The following TMEM135 variants were observed in gnomAD, a reference collection of about 807,000 sequenced individuals.
TMEM135 encodes the protein peroxisomal membrane protein 52.
In TMEM135, 30 loss-of-function variants were observed where a neutral mutation model predicts 60.3. That is an observed-to-expected ratio of 0.50 (90% CI 0.37 to 0.68). TMEM135 has a LOEUF of 0.68. Ranked by LOEUF, TMEM135 falls within the 30% of genes least tolerant of loss-of-function variation. The pLI is 0.00. For missense variants in TMEM135, 468 were observed against 548.8 expected, an observed-to-expected ratio of 0.85 and a Z score of 1.47; for synonymous variants, 190 against 186.7, an observed-to-expected ratio of 1.02 and a Z score of -0.14.
chr11:87,259,654 C>T (rs1565145349), intron 6 of TMEM135, among the ~76,000 whole-genome samples: 1 of 152,172 alleles, frequency 6.6e-6, no homozygotes, highest in Non-Finnish European at 1.5e-5. Context: ...CATCGATATA[C>T]AAGTTCATCT....
At chr11:87,056,546 A>G (rs1220660448) in intron 1 of TMEM135, among the ~76,000 whole-genome samples, 1 of 152,262 alleles carries the variant, frequency 6.6e-6, no homozygotes, top group African/African-American at 2.4e-5. Context: ...TTTTATGTCC[A>G]TCAAATGGTT....
chr11:87,190,531 G>C (rs1939774840), intron 5 of TMEM135, among the ~76,000 whole-genome samples: 1 of 151,986 alleles, frequency 6.6e-6, no homozygotes, highest in Admixed American at 6.5e-5. Context: ...ACTCTCTGTA[G>C]GTATTTGTTG....
intron 4 of TMEM135, among the ~76,000 whole-genome samples, chr11:87,148,712 G>A (rs1308087887): frequency 6.6e-6 from 1 of 152,118 alleles, no homozygotes; most frequent in Non-Finnish European, 1.5e-5. Context: ...GATTGAAGAT[G>A]TAGTTTAATA....
intron 5 of TMEM135, among the ~76,000 whole-genome samples, chr11:87,163,143 C>T (rs1445981636): frequency 1.3e-5 from 2 of 148,598 alleles, no homozygotes; most frequent in Non-Finnish European, 3.0e-5. Context: ...CCCACTAACT[C>T]CTCATCTAGC....
chr11:87,245,918 C>T (rs1317406369), intron 6 of TMEM135, among the ~76,000 whole-genome samples: 1 of 81,524 alleles, frequency 1.2e-5, no homozygotes, highest in Admixed American at 1.1e-4. Context: ...TTATTTTGCT[C>T]GTTAGTTGTT....
At position 87,070,494 on chromosome 11, in the gene TMEM135, C is replaced by T. The variant is rs1039996799; in HGVS notation, c.270-1029C>T. Among the ~76,000 whole-genome samples, 67 of 152,006 alleles carry T rather than the reference C, an allele frequency of 4.4e-4. 1 individual carries two copies. Among genetic ancestry groups the T allele is most frequent in the African/African-American group, 1.3e-3 (55 of 41,460 alleles). ...CTAAAAATACAAAAAATTAGCCGGG[C>T]GTGGTGGCAAGCGCCTGTAATCCCA... On this transcript the variant is annotated intron_variant, in intron 2 of 14. Coordinates refer to ENST00000305494, the MANE Select transcript of TMEM135 (RefSeq NM_022918.4).
At chr11:87,040,097 C>T (rs2512378) in intron 1 of TMEM135, among the ~76,000 whole-genome samples, 88,543 of 152,026 alleles carry the variant, frequency 0.58, 27,649 homozygotes, top group East Asian at 0.81. Flanking sequence ...TGCTACTCCT[C>T]GGTAGTTGTG....
chr11:87,064,744 C>T (rs539628932), intron 1 of TMEM135, among the ~76,000 whole-genome samples: 6 of 152,190 alleles, frequency 3.9e-5, no homozygotes, highest in South Asian at 2.1e-4. Context: ...ATTAGCTGGG[C>T]GTGGTGGCCG....
rs1940826047 is a variant in TMEM135, at chr11:87,228,894, T to C, written c.463-7744T>C. Among the ~76,000 whole-genome samples the C allele has an allele frequency of 3.3e-5, 5 of 152,200 alleles. No homozygotes were observed. The South Asian group carries it at 6.2e-4, about 19-fold the overall frequency. ...CTGATTATTTTAAGGACTTCCTATATTGTGATTTTGTTTCTTTGCTACTGC... is the reference window on the plus strand; with the variant it reads ...CTGATTATTTTAAGGACTTCCTATACTGTGATTTTGTTTCTTTGCTACTGC... On this transcript the variant is annotated intron_variant, in intron 5 of 14. Transcript: ENST00000305494.
rs550007285 is a variant in TMEM135 at position 87,124,148 on chromosome 11, C to T, written c.396+32753C>T. Among the ~76,000 whole-genome samples, 8 of 152,196 alleles carry T rather than the reference C, an allele frequency of 5.3e-5. No individual in the cohort carries two copies. The South Asian group carries it at 1.7e-3, about 32-fold the overall frequency. ...CAATGTTTCACGTCTAATTTAGTTG[C>T]TTTGGCTTTATAAACAGAAACCAAT... On this transcript the variant is annotated intron_variant, in intron 4 of 14. Transcript: ENST00000305494.
At chr11:87,276,665 ATT>A (rs11340916) in intron 6 of TMEM135, among the ~76,000 whole-genome samples, 188 of 115,624 alleles carry the variant, frequency 1.6e-3, no homozygotes, top group African/African-American at 4.4e-3. Flanking sequence ...GTGTTTGTGA[ATT>A]TTTTTTTTTT....
intron 6 of TMEM135, among the ~76,000 whole-genome samples, chr11:87,268,169 C>CT (rs1554982587): frequency 1.4e-4 from 16 of 110,652 alleles, no homozygotes; most frequent in African/African-American, 4.9e-4. Flanking sequence ...CTTTCCTTTC[C>CT]TTTCTTTTCT....
intron 6 of TMEM135, among the ~76,000 whole-genome samples, chr11:87,256,795 C>T (rs1307188256): frequency 6.6e-6 from 1 of 152,068 alleles, no homozygotes; most frequent in Non-Finnish European, 1.5e-5. Flanking sequence ...TACTTTTAGT[C>T]TGTTGGCTAT....
chr11:87,294,280 T>C (rs1208341716), intron 6 of TMEM135, among the ~76,000 whole-genome samples: 1 of 152,234 alleles, frequency 6.6e-6, no homozygotes, highest in Non-Finnish European at 1.5e-5. Context: ...AATAAAAATG[T>C]ATATGATTTT....
intron 3 of TMEM135, among the ~76,000 whole-genome samples, chr11:87,076,710 T>C (rs984550089): frequency 1.3e-5 from 2 of 152,200 alleles, no homozygotes; most frequent in Non-Finnish European, 2.9e-5. Flanking sequence ...GTATCGCTCC[T>C]AATTATTCAG....
At chr11:87,314,632 A>G (rs2135452170) in intron 12 of TMEM135, 85 bp downstream of exon 12, 9 of 1,053,266 alleles carry the variant, frequency 8.5e-6, no homozygotes, top group Middle Eastern at 2.0e-4. Context: ...TGTATATCCC[A>G]ATGGCAAACA....
chr11:87,183,403 A>C (rs559542384), intron 5 of TMEM135, among the ~76,000 whole-genome samples: 55 of 151,536 alleles, frequency 3.6e-4, no homozygotes, highest in Middle Eastern at 3.4e-3. Context: ...AGCCTCCCCA[A>C]GTGTGGGGAT....
At chr11:87,279,581 A>G (rs139941078) in intron 6 of TMEM135, among the ~76,000 whole-genome samples, 4 of 152,344 alleles carry the variant, frequency 2.6e-5, no homozygotes, top group African/African-American at 4.8e-5. Flanking sequence ...CTCTGAATCT[A>G]TAGCCCTCGC....
chr11:87,178,077 C>A (rs1939423777), intron 5 of TMEM135, among the ~76,000 whole-genome samples: 1 of 152,108 alleles, frequency 6.6e-6, no homozygotes, highest in African/African-American at 2.4e-5. Context: ...ATTGGGGTTT[C>A]AGTATATGGG....
Sources: gnomAD v4.1 joint callset for allele counts (sites outside exome capture counted in the v4.1 genomes callset) on GRCh38, gnomAD v4.1.1 for gene constraint, MANE v1.5 for transcripts, NCBI Gene and HGNC (gene_info 2026-07-23, HGNC 2026-07-21) for gene names.